The following MCPH1 variants were observed in gnomAD, a reference collection of about 807,000 sequenced individuals.
MCPH1 encodes microcephalin.
MCPH1 carries 104 observed loss-of-function variants against 84.5 expected under a neutral mutation model. The observed-to-expected ratio is 1.23, with a 90% CI of 1.05 to 1.45. The LOEUF (loss-of-function observed/expected upper bound fraction) is 1.45, where lower values mean the gene tolerates loss of function less well. Among genes scored for constraint, MCPH1 ranks in the 40% most tolerant of loss-of-function variants. The pLI is 0.00. For synonymous variants in MCPH1, 514 were observed against 366.8 expected (o/e 1.40, Z -4.58); for missense variants, 1,498 against 1,005.7 (o/e 1.49, Z -6.62).
chr8:6,490,123 G>A (rs1441169321), intron 11 of MCPH1, among the ~76,000 whole-genome samples: 1 of 152,016 alleles, frequency 6.6e-6, no homozygotes, highest in Admixed American at 6.5e-5. Flanking sequence ...CTTGGTCCAT[G>A]CTGAACTGCA....
intron 12 of MCPH1, chr8:6,532,189 T>G: frequency 1.0e-6 from 1 of 991,914 alleles, no homozygotes; most frequent in Non-Finnish European, 1.5e-6. Context: ...CCATACATCC[T>G]TAATTTCTTA....
At chr8:6,614,879 C>G (rs937308393) in intron 12 of MCPH1, among the ~76,000 whole-genome samples, 2 of 152,114 alleles carry the variant, frequency 1.3e-5, no homozygotes, top group Non-Finnish European at 2.9e-5. Flanking sequence ...CTTCCCCAAC[C>G]CCATACCCCA....
chr8:6,485,719 C>G (rs1207861694), intron 11 of MCPH1, among the ~76,000 whole-genome samples: 4 of 152,000 alleles, frequency 2.6e-5, no homozygotes, highest in African/African-American at 4.8e-5. Flanking sequence ...CTCAGGTGGC[C>G]TATGGCTTCA....
At chr8:6,482,987 A>C (rs944196603) in intron 11 of MCPH1, among the ~76,000 whole-genome samples, 4 of 152,218 alleles carry the variant, frequency 2.6e-5, no homozygotes, top group Non-Finnish European at 5.9e-5. Flanking sequence ...AGTTATCTCT[A>C]TTTATAAACC....
chr8:6,643,788 A>T lies in MCPH1; in HGVS notation c.*739A>T, dbSNP rs571639552. The T allele has an allele frequency of 4.6e-4, 70 of 152,754 alleles. No individual in the cohort carries two copies. Among genetic ancestry groups the T allele is most frequent in the African/African-American group, 1.6e-3 (67 of 41,564 alleles). 9.5% of individuals were successfully genotyped at this position (152,754 alleles called of 1,614,324 possible). On this transcript the variant is annotated 3_prime_UTR_variant, in exon 14 of 14. Transcript: ENST00000344683. ...CTCTCTTAAAGTAATGAAAGGAGAT[A>T]GGTATGGGGGGTGTTATACAGGATA...
In MCPH1 at chr8:6,643,019, T is replaced by C; in HGVS notation, c.2478T>C (p.Cys826=). Residue 826 remains cysteine, a synonymous_variant, in exon 14 of 14, where the codon TGT becomes TGC. Coordinates refer to ENST00000344683, the MANE Select transcript of MCPH1 (RefSeq NM_024596.5). ...ATTCCATCACCCAGCACAAGGTCTG[T>C]GCCCCTGAAAACTACCTATTGTCAC... ...VLDSITQHKV[C]APENYLLSQ is the part of the protein sequence containing the mutation. 6.2e-7 allele frequency: 1 copy of C among 1,614,184 alleles called. No homozygotes were observed. Among genetic ancestry groups the C allele is most frequent in the Middle Eastern group, 1.6e-4 (1 of 6,062 alleles).
chr8:6,513,627 C>G, intron 12 of MCPH1: 1 of 1,549,410 alleles, frequency 6.5e-7, no homozygotes, highest in Non-Finnish European at 8.7e-7. Flanking sequence ...GCCACCGTGC[C>G]CGGCCACAAA....
intron 12 of MCPH1, among the ~76,000 whole-genome samples, chr8:6,599,442 G>A (rs890370165): frequency 4.6e-5 from 7 of 152,202 alleles, no homozygotes; most frequent in Non-Finnish European, 8.8e-5. Context: ...TATTCTCACC[G>A]TGATGAATGA....
intron 11 of MCPH1, among the ~76,000 whole-genome samples, chr8:6,496,826 TG>T (rs910296303): frequency 2.6e-5 from 4 of 152,198 alleles, no homozygotes; most frequent in African/African-American, 9.7e-5. Flanking sequence ...CATTATTAAA[TG>T]GGGTCATGTT....
intron 7 of MCPH1, among the ~76,000 whole-genome samples, chr8:6,443,017 C>G (rs939639836): frequency 1.3e-5 from 2 of 152,214 alleles, no homozygotes; most frequent in African/African-American, 4.8e-5. Context: ...AAGTTGGAAA[C>G]AAGTGATAAT....
intron 12 of MCPH1, among the ~76,000 whole-genome samples, chr8:6,614,912 G>A (rs1830652701): frequency 6.8e-6 from 1 of 147,042 alleles, no homozygotes. Context: ...CCTTTTTCTT[G>A]GGTCTTCCTG....
chr8:6,524,305 C>G (rs1170091846), intron 12 of MCPH1, among the ~76,000 whole-genome samples: 1 of 152,230 alleles, frequency 6.6e-6, no homozygotes, highest in African/African-American at 2.4e-5. Context: ...CAAGTTACCA[C>G]AGCTTCTGTT....
At chr8:6,481,784 G>A (rs979706269) in intron 11 of MCPH1, among the ~76,000 whole-genome samples, 8 of 152,134 alleles carry the variant, frequency 5.3e-5, no homozygotes, top group Non-Finnish European at 8.8e-5. Context: ...GTGGCAATGG[G>A]GGATCACCTT....
At chr8:6,597,901 C>A (rs1253282494) in intron 12 of MCPH1, among the ~76,000 whole-genome samples, 2 of 152,190 alleles carry the variant, frequency 1.3e-5, no homozygotes, top group African/African-American at 4.8e-5. Flanking sequence ...GTGAGCTCTC[C>A]AAAGGGAAGG....
At position 6,640,495 on chromosome 8, in the gene MCPH1, A is replaced by G. The variant is rs528866686; in HGVS notation, c.2453-2499A>G. Among the ~76,000 whole-genome samples, 8 of 152,336 alleles carry G rather than the reference A, an allele frequency of 5.3e-5. No homozygotes were observed. In the East Asian group the frequency reaches 1.3e-3, roughly 26 times the overall value. On this transcript the variant is annotated intron_variant, in intron 13 of 13. Coordinates refer to ENST00000344683, the MANE Select transcript of MCPH1 (RefSeq NM_024596.5). ...GAATATCTTAGATAGGAGATTTATC[A>G]TTCGTGAATTACCTGTCCTGATCCC...
intron 3 of MCPH1, among the ~76,000 whole-genome samples, chr8:6,427,034 C>G (rs1004983265): frequency 6.6e-6 from 1 of 152,196 alleles, no homozygotes; most frequent in Non-Finnish European, 1.5e-5. Flanking sequence ...TACTGCACAC[C>G]TAGGCTCTGT....
chr8:6,496,704 G>A (rs1425613673), intron 11 of MCPH1, among the ~76,000 whole-genome samples: 1 of 152,120 alleles, frequency 6.6e-6, no homozygotes, highest in Non-Finnish European at 1.5e-5. Flanking sequence ...CAGTAATGTT[G>A]CCTATCAAAA....
At chr8:6,615,528 G>C (rs1418756507) in intron 12 of MCPH1, 1 of 152,316 alleles carries the variant, frequency 6.6e-6, no homozygotes, top group East Asian at 1.9e-4. Context: ...CAGGTGCTGG[G>C]AGGAGGATTT....
At chr8:6,621,388 G>T (rs1192487996) in intron 12 of MCPH1, 66 bp from the exon 13 acceptor site, 4 of 1,588,434 alleles carry the variant, frequency 2.5e-6, no homozygotes, top group African/African-American at 1.3e-5. Flanking sequence ...AACTGCAACA[G>T]TTCGCCTACG....
Sources: gnomAD v4.1 joint callset for allele counts (sites outside exome capture counted in the v4.1 genomes callset) on GRCh38, gnomAD v4.1.1 for gene constraint, MANE v1.5 for transcripts, NCBI Gene and HGNC (gene_info 2026-07-23, HGNC 2026-07-21) for gene names.